CARMIL1: variants seen among roughly 807,000 people sequenced by gnomAD.
CARMIL1 encodes capping protein regulator and myosin 1 linker 1.
Under a neutral mutation model 177.1 loss-of-function variants are expected in CARMIL1, and 90 were observed. The ratio of observed to expected loss-of-function variants is 0.51; its 90% CI spans 0.43 to 0.61. The LOEUF (loss-of-function observed/expected upper bound fraction) is 0.61. Among genes scored for constraint, CARMIL1 ranks in the 20% least tolerant of loss-of-function variants. The pLI, the probability that CARMIL1 is intolerant of heterozygous loss-of-function variation, is 0.00. For synonymous variants in CARMIL1, 577 were observed against 606.2 expected, an observed-to-expected ratio of 0.95 and a Z score of 0.71; for missense variants, 1,380 against 1,667.0, an observed-to-expected ratio of 0.83 and a Z score of 3.00.
chr6:25,324,954 G>A (rs1343980897), intron 2 of CARMIL1, among the ~76,000 whole-genome samples: 9 of 152,040 alleles, frequency 5.9e-5, no homozygotes, highest in African/African-American at 1.9e-4. Context: ...AGGTGGGGCT[G>A]AGGGTGACCA....
At chr6:25,513,675 A>AT (rs1351906007) in intron 20 of CARMIL1, among the ~76,000 whole-genome samples, 1 of 152,138 alleles carries the variant, frequency 6.6e-6, no homozygotes, top group Non-Finnish European at 1.5e-5. Context: ...AGTCAATGTT[A>AT]AGTGTTTGAG....
chr6:25,409,496 T>C (rs1016989789), intron 2 of CARMIL1, among the ~76,000 whole-genome samples: 5 of 152,136 alleles, frequency 3.3e-5, no homozygotes, highest in African/African-American at 1.2e-4. Context: ...ACATGCCTAA[T>C]ACCTCTCAGT....
At chr6:25,355,197 ATAT>A (rs1351697691) in intron 2 of CARMIL1, among the ~76,000 whole-genome samples, 2 of 152,182 alleles carry the variant, frequency 1.3e-5, no homozygotes, top group African/African-American at 2.4e-5. Context: ...GAAGCTTCTG[ATAT>A]TATAACCACA....
intron 27 of CARMIL1, among the ~76,000 whole-genome samples, chr6:25,552,743 T>C (rs1810233860): frequency 6.6e-6 from 1 of 151,544 alleles, no homozygotes; most frequent in African/African-American, 2.4e-5. Flanking sequence ...GAACCACTCC[T>C]CCCCACTTTC....
At chr6:25,535,700 C>T (rs1167092711) in intron 24 of CARMIL1, among the ~76,000 whole-genome samples, 3 of 152,178 alleles carry the variant, frequency 2.0e-5, no homozygotes, top group African/African-American at 7.2e-5. Flanking sequence ...CTTTATTTTT[C>T]GTATTTATGT....
chr6:25,308,438 G>A (rs1783461800), intron 2 of CARMIL1, among the ~76,000 whole-genome samples: 1 of 146,358 alleles, frequency 6.8e-6, no homozygotes, highest in African/African-American at 2.5e-5. Context: ...CTGGAGTGCA[G>A]TGGCACGATC....
chr6:25,340,777 GTTTTTTTT>G (rs34928775), intron 2 of CARMIL1, among the ~76,000 whole-genome samples: 7,826 of 86,264 alleles, frequency 0.091, 400 homozygotes, highest in African/African-American at 0.14. Flanking sequence ...GTCAATGAAG[GTTTTTTTT>G]TTTTTTTTTT....
intron 16 of CARMIL1, among the ~76,000 whole-genome samples, chr6:25,496,472 C>CAA (rs34420791): frequency 0.015 from 1,529 of 100,908 alleles, 40 homozygotes; most frequent in Admixed American, 0.033. Flanking sequence ...GACTCCATCT[C>CAA]AAAAAAAAAA....
intron 2 of CARMIL1, among the ~76,000 whole-genome samples, chr6:25,407,285 C>T (rs1179259293): frequency 6.6e-6 from 1 of 152,036 alleles, no homozygotes; most frequent in Non-Finnish European, 1.5e-5. Context: ...GCATATAGCT[C>T]TAGGTCTAAA....
intron 2 of CARMIL1, among the ~76,000 whole-genome samples, chr6:25,370,921 C>T (rs1790346584): frequency 6.6e-6 from 1 of 151,970 alleles, no homozygotes; most frequent in Non-Finnish European, 1.5e-5. Flanking sequence ...CTCTCCTCCC[C>T]TCCCCTCTTC....
chr6:25,409,937 G>A (rs1465747790), intron 2 of CARMIL1, among the ~76,000 whole-genome samples: 1 of 152,128 alleles, frequency 6.6e-6, no homozygotes, highest in Non-Finnish European at 1.5e-5. Flanking sequence ...AAGCACCGCT[G>A]TAAATTATAT....
intron 1 of CARMIL1, among the ~76,000 whole-genome samples, chr6:25,281,857 G>A (rs1781142292): frequency 6.6e-6 from 1 of 152,118 alleles, no homozygotes; most frequent in African/African-American, 2.4e-5. Context: ...GCTCACCCCT[G>A]TAATCCTAGC....
At chr6:25,608,153 G>C (rs540725302) in intron 35 of CARMIL1, among the ~76,000 whole-genome samples, 1 of 152,180 alleles carries the variant, frequency 6.6e-6, no homozygotes, top group Non-Finnish European at 1.5e-5. Context: ...AATGAATCTA[G>C]TTTGTAGAGT....
At chr6:25,441,371 G>C (rs1206996933) in intron 5 of CARMIL1, among the ~76,000 whole-genome samples, 1 of 122,852 alleles carries the variant, frequency 8.1e-6, no homozygotes, top group Admixed American at 8.3e-5. Flanking sequence ...GTGTGTGTGT[G>C]TCTATGTGTG....
At chr6:25,395,452 A>G (rs1018293834) in intron 2 of CARMIL1, among the ~76,000 whole-genome samples, 2 of 152,250 alleles carry the variant, frequency 1.3e-5, no homozygotes, top group Non-Finnish European at 2.9e-5. Flanking sequence ...GTTAAAAGAA[A>G]CTATTTTTAA....
intron 2 of CARMIL1, among the ~76,000 whole-genome samples, chr6:25,391,406 G>A (rs1459970190): frequency 1.3e-5 from 2 of 152,152 alleles, no homozygotes; most frequent in African/African-American, 4.8e-5. Context: ...TAATGAATGG[G>A]CTAGACAATA....
intron 2 of CARMIL1, among the ~76,000 whole-genome samples, chr6:25,316,389 T>A (rs1034764164): frequency 6.6e-6 from 1 of 151,344 alleles, no homozygotes; most frequent in Admixed American, 6.6e-5. Flanking sequence ...ATTGTCTTAC[T>A]GATTTTAGAT....
chr6:25,482,606 A>T (rs1219555175), intron 12 of CARMIL1, among the ~76,000 whole-genome samples: 2 of 152,128 alleles, frequency 1.3e-5, no homozygotes, highest in Non-Finnish European at 2.9e-5. Context: ...GTCAGGGAAC[A>T]CTTGCCTGTC....
chr6:25,545,423 G>A (rs1809355821), intron 26 of CARMIL1, among the ~76,000 whole-genome samples: 3 of 150,518 alleles, frequency 2.0e-5, no homozygotes, highest in Admixed American at 1.3e-4. Context: ...TAATCATATG[G>A]CTTCATATAT....
Sources: gnomAD v4.1 joint callset for allele counts (sites outside exome capture counted in the v4.1 genomes callset) on GRCh38, gnomAD v4.1.1 for gene constraint, MANE v1.5 for transcripts, NCBI Gene and HGNC (gene_info 2026-07-23, HGNC 2026-07-21) for gene names.